The following LRRC75A variants were observed in gnomAD, a reference collection of about 807,000 sequenced individuals.
LRRC75A encodes leucine-rich repeat-containing protein 75A.
Under a neutral mutation model 26.0 loss-of-function variants are expected in LRRC75A, and 12 were observed. The ratio of observed to expected loss-of-function variants is 0.46; its 90% CI spans 0.30 to 0.75. LRRC75A has a LOEUF of 0.75. LRRC75A is among the 30% of genes least tolerant of loss of function. The pLI is 0.08. For missense variants in LRRC75A, 410 were observed against 486.6 expected (o/e 0.84, Z 1.48); for synonymous variants, 223 against 219.3 (o/e 1.02, Z -0.15).
chr17:16,464,811 G>A (rs1423863594), intron 1 of LRRC75A, among the ~76,000 whole-genome samples: 1 of 135,726 alleles, frequency 7.4e-6, no homozygotes, highest in Non-Finnish European at 1.6e-5. Context: ...ACCCACTAAT[G>A]TGCAAAATCA....
chr17:16,445,600 G>C (rs1037709301), intron 3 of LRRC75A, among the ~76,000 whole-genome samples: 5 of 152,214 alleles, frequency 3.3e-5, no homozygotes, highest in African/African-American at 1.2e-4. Context: ...GGGTACATTT[G>C]TCCTTGAGAT....
intron 3 of LRRC75A, among the ~76,000 whole-genome samples, chr17:16,444,571 C>T (rs2143008857): frequency 6.6e-6 from 1 of 152,220 alleles, no homozygotes; most frequent in African/African-American, 2.4e-5. Context: ...ATCTCTGAGT[C>T]CCCTCTTTCA....
Position 16,453,377 on chromosome 17 carries a change from A to C in LRRC75A, c.376-5417T>G, listed in dbSNP as rs548948874. Among the ~76,000 whole-genome samples, 8 of 152,112 alleles carry C rather than the reference A, an allele frequency of 5.3e-5. No homozygotes were observed. In the South Asian group the frequency reaches 1.2e-3, roughly 24 times the overall value. ...ACACACACACACGAGAACAGAGGAC[A>C]AGGGGGCATCACTGCACTGCCATTG... On this transcript the variant is annotated intron_variant, in intron 2 of 3. Coordinates refer to ENST00000470794, the MANE Select transcript of LRRC75A (RefSeq NM_001113567.3).
At chr17:16,474,171 T>TG (rs34611578) in intron 1 of LRRC75A, among the ~76,000 whole-genome samples, 83,525 of 151,930 alleles carry the variant, frequency 0.55, 24,595 homozygotes, top group East Asian at 0.85. Flanking sequence ...TGGCTGACGG[T>TG]GGGGGACAGA....
intron 1 of LRRC75A, among the ~76,000 whole-genome samples, chr17:16,467,228 G>A (rs1003328396): frequency 1.3e-5 from 2 of 152,138 alleles, no homozygotes; most frequent in African/African-American, 2.4e-5. Context: ...ATCATAGCTC[G>A]CTGCAACCTT....
At position 16,441,747 on chromosome 17, in the gene LRRC75A, G is replaced by T; in HGVS notation, c.*1841C>A. ...GCTAAAATTTTTTTTTTGTTGAGAC[G>T]GATTCTCTATGTTGCCCAGGCTGGT... On this transcript the variant is annotated 3_prime_UTR_variant, in exon 4 of 4. Coordinates refer to ENST00000470794, the MANE Select transcript of LRRC75A (RefSeq NM_001113567.3). 1 of 237,188 alleles carries T rather than the reference G, an allele frequency of 4.2e-6. No individual in the cohort carries two copies. The highest frequency in any genetic ancestry group is 8.6e-6 in the Non-Finnish European group (1 of 116,488). 14.7% of individuals were successfully genotyped at this position (237,188 alleles called of 1,614,324 possible). A position where few individuals can be genotyped will look rare whatever the true frequency, so the allele number is the denominator to read the frequency against.
At chr17:16,447,751 T>G in intron 3 of LRRC75A, 94 bp downstream of exon 3, 2 of 949,986 alleles carry the variant, frequency 2.1e-6, no homozygotes, top group Non-Finnish European at 3.1e-6. Context: ...CCACCCCCCA[T>G]GACTCCGCCC....
At chr17:16,476,341 C>A (rs949733018) in intron 1 of LRRC75A, among the ~76,000 whole-genome samples, 4 of 151,642 alleles carry the variant, frequency 2.6e-5, no homozygotes, top group Non-Finnish European at 5.9e-5. Flanking sequence ...GCACTCCAGC[C>A]TGGGTGATGG....
chr17:16,477,716 C>A (rs1201827224), intron 1 of LRRC75A, among the ~76,000 whole-genome samples: 1 of 152,214 alleles, frequency 6.6e-6, no homozygotes, highest in East Asian at 1.9e-4. Flanking sequence ...GACTGCCAGA[C>A]CCCTGCAGCC....
Position 16,489,630 on chromosome 17 carries a change from C to T in LRRC75A, c.246+2115G>A, listed in dbSNP as rs370911505. 1.1e-4 allele frequency among the ~76,000 whole-genome samples: 17 copies of T among 152,374 alleles called. No homozygotes were observed. In the East Asian group the frequency reaches 2.7e-3, roughly 24 times the overall value. The stretch of plus-strand genomic sequence containing the variant: ...ATGGCCTCAGGGTCCTAGAAAGCCA[C>T]CTCTCTGTCATAGGCAAGTGAACAC... On this transcript the variant is annotated intron_variant, in intron 1 of 3. Coordinates refer to ENST00000470794, the MANE Select transcript of LRRC75A (RefSeq NM_001113567.3).
At chr17:16,480,634 A>C (rs2093831527) in intron 1 of LRRC75A, among the ~76,000 whole-genome samples, 1 of 151,284 alleles carries the variant, frequency 6.6e-6, no homozygotes, top group Non-Finnish European at 1.5e-5. Context: ...CGTCTCAAAA[A>C]AAAAAAAACA....
At chr17:16,476,623 G>A (rs2093820272) in intron 1 of LRRC75A, among the ~76,000 whole-genome samples, 1 of 150,806 alleles carries the variant, frequency 6.6e-6, no homozygotes, top group Admixed American at 6.6e-5. Context: ...GGAGTGCAGT[G>A]GCGTGACCTC....
At chr17:16,478,036 C>T (rs906015687) in intron 1 of LRRC75A, among the ~76,000 whole-genome samples, 3 of 151,636 alleles carry the variant, frequency 2.0e-5, no homozygotes, top group Admixed American at 2.0e-4. Flanking sequence ...CTCCATCCAG[C>T]GTCCCTGCTC....
chr17:16,490,844 T>C (rs1300975544), intron 1 of LRRC75A, among the ~76,000 whole-genome samples: 1 of 152,186 alleles, frequency 6.6e-6, no homozygotes, highest in African/African-American at 2.4e-5. Flanking sequence ...CAAGACAACC[T>C]GCTTGGTGAT....
chr17:16,484,892 T>A (rs2093842727), intron 1 of LRRC75A, among the ~76,000 whole-genome samples: 1 of 149,924 alleles, frequency 6.7e-6, no homozygotes, highest in African/African-American at 2.5e-5. Context: ...AAATGCCACA[T>A]CTCTTTGAGC....
chr17:16,476,336 C>T (rs895448798), intron 1 of LRRC75A, among the ~76,000 whole-genome samples: 1 of 151,890 alleles, frequency 6.6e-6, no homozygotes, highest in Non-Finnish European at 1.5e-5. Context: ...CCACTGCACT[C>T]CAGCCTGGGT....
At chr17:16,454,649 C>T (rs2093662077) in intron 2 of LRRC75A, among the ~76,000 whole-genome samples, 1 of 149,994 alleles carries the variant, frequency 6.7e-6, no homozygotes, top group South Asian at 2.1e-4. Context: ...CGAGATCACG[C>T]CACTGCACTC....
intron 1 of LRRC75A, among the ~76,000 whole-genome samples, chr17:16,483,859 C>A (rs1316694727): frequency 1.3e-5 from 2 of 152,176 alleles, no homozygotes; most frequent in African/African-American, 4.8e-5. Context: ...CTGTTGCATC[C>A]CCAGTTCCTA....
rs1005827513 is a variant in LRRC75A, at chr17:16,443,270, A to T, written c.*318T>A. ...GGTGTTCACAATGGCTCAGGCTTACAGTACCTCCAGCCATGTGCCCATTTC... is the reference window on the plus strand; with the variant it reads ...GGTGTTCACAATGGCTCAGGCTTACTGTACCTCCAGCCATGTGCCCATTTC... On this transcript the variant is annotated 3_prime_UTR_variant, in exon 4 of 4. Coordinates refer to ENST00000470794, the MANE Select transcript of LRRC75A (RefSeq NM_001113567.3). The T allele has an allele frequency of 2.9e-6, 1 of 346,434 alleles. No individual in the cohort carries two copies. The allele number at this position is 346,434 out of a possible 1,614,324, so 21.5% of individuals were successfully genotyped here. A position where few individuals can be genotyped will look rare whatever the true frequency, so the allele number is the denominator to read the frequency against.
Sources: gnomAD v4.1 joint callset for allele counts (sites outside exome capture counted in the v4.1 genomes callset) on GRCh38, gnomAD v4.1.1 for gene constraint, MANE v1.5 for transcripts, NCBI Gene and HGNC (gene_info 2026-07-23, HGNC 2026-07-21) for gene names.